BBS9: variants seen among roughly 807,000 people sequenced by gnomAD.
BBS9 encodes protein PTHB1.
A neutral mutation model predicts 117.7 loss-of-function variants in BBS9; 89 were observed. The observed-to-expected ratio is 0.76, with a 90% CI of 0.64 to 0.90. The LOEUF is 0.90. BBS9 is among the 40% of genes least tolerant of loss of function. BBS9 has a pLI of 0.00. For missense variants in BBS9, 982 were observed against 1,042.2 expected, an observed-to-expected ratio of 0.94 and a Z score of 0.80; for synonymous variants, 379 against 370.9, an observed-to-expected ratio of 1.02 and a Z score of -0.25.
chr7:33,576,539 A>T (rs1193634137), intron 21 of BBS9, among the ~76,000 whole-genome samples: 1 of 152,360 alleles, frequency 6.6e-6, no homozygotes, highest in East Asian at 1.9e-4. Context: ...CTTTCTTCAC[A>T]GAATTGGAAA....
chr7:33,175,349 A>T (rs1342960550), intron 4 of BBS9, among the ~76,000 whole-genome samples: 1 of 152,082 alleles, frequency 6.6e-6, no homozygotes, highest in Non-Finnish European at 1.5e-5. Context: ...TTAATTAACC[A>T]TTTGTGGGGA....
chr7:33,516,838 A>T (rs978544410), intron 20 of BBS9, among the ~76,000 whole-genome samples: 3 of 152,184 alleles, frequency 2.0e-5, no homozygotes, highest in Non-Finnish European at 2.9e-5. Context: ...GATCTCACTG[A>T]TAAGTAGTTT....
intron 21 of BBS9, among the ~76,000 whole-genome samples, chr7:33,583,359 A>G (rs1298675521): frequency 6.6e-6 from 1 of 152,178 alleles, no homozygotes; most frequent in Non-Finnish European, 1.5e-5. Flanking sequence ...CAGACTATCT[A>G]TAGACTAGAT....
intron 21 of BBS9, among the ~76,000 whole-genome samples, chr7:33,585,259 G>A (rs1368713237): frequency 1.3e-5 from 2 of 152,068 alleles, no homozygotes; most frequent in Non-Finnish European, 2.9e-5. Flanking sequence ...GGAAACTTCA[G>A]TGATTTTCCC....
chr7:33,411,501 T>C (rs1199914697), intron 19 of BBS9, among the ~76,000 whole-genome samples: 4 of 152,182 alleles, frequency 2.6e-5, no homozygotes, highest in Non-Finnish European at 4.4e-5. Context: ...CTTTTTCCTA[T>C]ACATGTAAAT....
chr7:33,170,795 C>T (rs1275165805), intron 4 of BBS9, among the ~76,000 whole-genome samples: 1 of 151,314 alleles, frequency 6.6e-6, no homozygotes, highest in Non-Finnish European at 1.5e-5. Flanking sequence ...CACAAGCATT[C>T]TTATACACCA....
chr7:33,220,149 A>C (rs756955522), intron 5 of BBS9, among the ~76,000 whole-genome samples: 11 of 152,222 alleles, frequency 7.2e-5, no homozygotes, highest in Non-Finnish European at 1.6e-4. Context: ...AGTGTTTACC[A>C]TGTGCCAGGC....
chr7:33,512,136 G>GT (rs1202432027), intron 20 of BBS9, among the ~76,000 whole-genome samples: 12 of 152,168 alleles, frequency 7.9e-5, no homozygotes, highest in Admixed American at 1.3e-4. Flanking sequence ...CATACCCTGT[G>GT]TTGCTGCTAG....
rs111576107 is a variant in BBS9, at chr7:33,164,967, C to G, written c.328+9265C>G. 7.0e-3 allele frequency among the ~76,000 whole-genome samples: 1,069 copies of G among 152,178 alleles called. 12 individuals are homozygous for G. The highest frequency in any genetic ancestry group is 0.022 in the African/African-American group (902 of 41,520). ...GGCGTGTTTTTGCGGTGGCTGATAC[C>G]GGTCTTTCCTTTCCATGTTTAGTGC... On this transcript the variant is annotated intron_variant, in intron 4 of 22. Transcript: ENST00000242067.
intron 5 of BBS9, among the ~76,000 whole-genome samples, chr7:33,216,379 C>T (rs763130351): frequency 9.9e-5 from 15 of 152,066 alleles, no homozygotes; most frequent in Admixed American, 2.0e-4. Context: ...AAAAACAAGC[C>T]GAACTTTGTT....
At chr7:33,260,990 T>C (rs186287209) in intron 6 of BBS9, among the ~76,000 whole-genome samples, 22 of 152,328 alleles carry the variant, frequency 1.4e-4, no homozygotes, top group African/African-American at 5.1e-4. Flanking sequence ...AAAGAAGTAT[T>C]CTTCTCCAAT....
At chr7:33,278,602 T>C (rs1430032886) in intron 9 of BBS9, among the ~76,000 whole-genome samples, 3 of 152,190 alleles carry the variant, frequency 2.0e-5, no homozygotes, top group Non-Finnish European at 4.4e-5. Flanking sequence ...TAGGCCTTTG[T>C]ATTTGATGAA....
At chr7:33,479,722 A>G (rs1409948526) in intron 19 of BBS9, among the ~76,000 whole-genome samples, 3 of 152,188 alleles carry the variant, frequency 2.0e-5, no homozygotes, top group Non-Finnish European at 4.4e-5. Context: ...CATTTTCACC[A>G]CCAGTATATA....
intron 4 of BBS9, among the ~76,000 whole-genome samples, chr7:33,167,502 A>C (rs1795887254): frequency 6.6e-6 from 1 of 151,294 alleles, no homozygotes; most frequent in African/African-American, 2.4e-5. Context: ...TCCCGGGTTC[A>C]AGCGACTCTC....
chr7:33,297,080 T>G (rs992060107), intron 9 of BBS9, among the ~76,000 whole-genome samples: 4 of 152,188 alleles, frequency 2.6e-5, no homozygotes, highest in African/African-American at 9.6e-5. Flanking sequence ...GAAAACATTC[T>G]GATTTTCTGG....
intron 5 of BBS9, among the ~76,000 whole-genome samples, chr7:33,210,194 A>G (rs1348063108): frequency 6.6e-6 from 1 of 152,086 alleles, no homozygotes; most frequent in Non-Finnish European, 1.5e-5. Context: ...ATGTATTTGT[A>G]TAGTTTCCAA....
intron 19 of BBS9, among the ~76,000 whole-genome samples, chr7:33,470,326 A>G (rs1840815610): frequency 6.6e-6 from 1 of 151,670 alleles, no homozygotes; most frequent in Non-Finnish European, 1.5e-5. Flanking sequence ...GATACAGGTC[A>G]CTCAATTATA....
At chr7:33,412,389 G>GATCCTCT (rs1831307263) in intron 19 of BBS9, among the ~76,000 whole-genome samples, 2 of 152,146 alleles carry the variant, frequency 1.3e-5, no homozygotes, top group South Asian at 4.2e-4. Context: ...TGAGCTCTCT[G>GATCCTCT]GTCCTGTCCC....
intron 21 of BBS9, among the ~76,000 whole-genome samples, chr7:33,570,532 A>G (rs1050467512): frequency 2.0e-5 from 3 of 152,216 alleles, no homozygotes; most frequent in Non-Finnish European, 4.4e-5. Context: ...AAACATCACA[A>G]TAGCCATTAC....
Sources: gnomAD v4.1 joint callset for allele counts (sites outside exome capture counted in the v4.1 genomes callset) on GRCh38, gnomAD v4.1.1 for gene constraint, MANE v1.5 for transcripts, NCBI Gene and HGNC (gene_info 2026-07-23, HGNC 2026-07-21) for gene names.